STAT4: variants seen among roughly 807,000 people sequenced by gnomAD.
The protein encoded by STAT4 is signal transducer and activator of transcription 4.
Under a neutral mutation model 110.5 loss-of-function variants are expected in STAT4, and 42 were observed. That is an observed-to-expected ratio of 0.38 (90% CI 0.30 to 0.49). The LOEUF (loss-of-function observed/expected upper bound fraction) is 0.49, where lower values mean the gene tolerates loss of function less well. STAT4 is among the 20% of genes least tolerant of loss of function. The pLI is 0.95. For synonymous variants in STAT4, 284 were observed against 302.2 expected (o/e 0.94, Z 0.63); for missense variants, 632 against 887.9 (o/e 0.71, Z 3.66).
At position 191,146,923 on chromosome 2, in the gene STAT4, T is replaced by C. The variant is rs566781921; in HGVS notation, c.129-166A>G. On this transcript the variant is annotated intron_variant, in intron 2 of 23. Transcript: ENST00000392320. The surrounding 1 kb of genome is among the most constrained non-coding windows in gnomAD (Gnocchi z 4.5). ...AAGAGATGCTCAACATCACTAATCA[T>C]TAGGGAATTTCAAGTGAAAATCAGA... Among the ~76,000 whole-genome samples the C allele has an allele frequency of 2.3e-4, 35 of 152,310 alleles. 2 individuals are homozygous for C. In the South Asian group the frequency reaches 6.2e-3, roughly 27 times the overall value.
intron 3 of STAT4, among the ~76,000 whole-genome samples, chr2:191,115,611 C>T (rs567613387): frequency 3.3e-5 from 5 of 152,332 alleles, no homozygotes; most frequent in South Asian, 4.1e-4. Context: ...CAGCCATTTC[C>T]GTTGTGTCTC....
chr2:191,127,992 A>T (rs1237838733), intron 3 of STAT4, among the ~76,000 whole-genome samples: 1 of 152,228 alleles, frequency 6.6e-6, no homozygotes, highest in Non-Finnish European at 1.5e-5. Flanking sequence ...ACTTAGTGCG[A>T]TATGCACAAA....
chr2:191,085,386 C>T (rs1005590531), intron 3 of STAT4, among the ~76,000 whole-genome samples: 2 of 151,512 alleles, frequency 1.3e-5, no homozygotes, highest in Non-Finnish European at 2.9e-5. Context: ...GAAACACTCC[C>T]AAATATAAAA....
rs186534967 is a variant in STAT4 at position 191,059,366 on chromosome 2, G to T, written c.1035-597C>A. ...ATAAAAATTCCTTTAATTCCTTCTG[G>T]TGTCAGCCCATCCTTTATTCTTTTG... On this transcript the variant is annotated intron_variant, in intron 10 of 23. Transcript: ENST00000392320. The surrounding 1 kb of genome is among the most constrained non-coding windows in gnomAD (Gnocchi z 4.7). 1.8e-4 allele frequency among the ~76,000 whole-genome samples: 28 copies of T among 151,996 alleles called. No individual in the cohort carries two copies. Among genetic ancestry groups the T allele is most frequent in the Non-Finnish European group, 3.5e-4 (24 of 67,984 alleles).
chr2:191,092,178 G>A (rs903053341), intron 3 of STAT4, among the ~76,000 whole-genome samples: 17 of 152,108 alleles, frequency 1.1e-4, no homozygotes, highest in Non-Finnish European at 1.3e-4. Context: ...GGTTGAGGGG[G>A]GCAGATCACG....
At position 191,053,932 on chromosome 2, in the gene STAT4, A is replaced by T. The variant is rs1025917859; in HGVS notation, c.1251+558T>A. On this transcript the variant is annotated intron_variant, in intron 14 of 23. Coordinates refer to ENST00000392320, the MANE Select transcript of STAT4 (RefSeq NM_003151.4). This position sits in a 1 kb window ranked among gnomAD's most constrained non-coding sequence, Gnocchi z 4.5. ...CACTTGAGCCAAGGGGTTCAAGACC[A>T]GCCTGGGAAACATGGTGGGACTCTG... is the stretch of plus-strand genomic sequence containing the variant. Among the ~76,000 whole-genome samples the T allele has an allele frequency of 7.2e-5, 11 of 152,176 alleles. No individual in the cohort carries two copies. Among genetic ancestry groups the T allele is most frequent in the African/African-American group, 2.7e-4 (11 of 41,432 alleles).
chr2:191,072,618 T>G (rs1345335025), intron 5 of STAT4, among the ~76,000 whole-genome samples: 1 of 152,200 alleles, frequency 6.6e-6, no homozygotes, highest in Non-Finnish European at 1.5e-5. Context: ...CTATTTTATA[T>G]ACAACATGGC....
At position 191,062,955 on chromosome 2, in the gene STAT4, T is replaced by C. The variant is rs1266837401; in HGVS notation, c.783-35A>G. 6.3e-7 allele frequency: 1 copy of C among 1,584,016 alleles called. No individual in the cohort carries two copies. The highest frequency in any genetic ancestry group is 8.6e-7 in the Non-Finnish European group (1 of 1,164,856). ...AGAAAATGAAAATCAAAGATAGTTT[T>C]TCCACTTAATAATAAAAAAGCATTG... On this transcript the variant is annotated intron_variant, in intron 8 of 23. Coordinates refer to ENST00000392320, the MANE Select transcript of STAT4 (RefSeq NM_003151.4). This position sits in a 1 kb window ranked among gnomAD's most constrained non-coding sequence, Gnocchi z 4.9.
chr2:191,039,325 A>G lies in STAT4; in HGVS notation c.1336-28T>C, dbSNP rs1355140388. 1.3e-6 allele frequency: 2 copies of G among 1,596,788 alleles called. No individual in the cohort carries two copies. On this transcript the variant is annotated intron_variant, in intron 15 of 23. Coordinates refer to ENST00000392320, the MANE Select transcript of STAT4 (RefSeq NM_003151.4). The surrounding 1 kb of genome is among the most constrained non-coding windows in gnomAD (Gnocchi z 4.7). ...GGTTTGGGGGGAAAAAAGCATAGTT[A>G]TTACAGGTAGTCCCACCTTACATTG...
At position 191,064,909 on chromosome 2, in the gene STAT4, A is replaced by G. The variant is rs770181391; in HGVS notation, c.680T>C (p.Met227Thr). ...CAGCTCTTCTATGAGCATGGTGTTC[A>G]TTAACAGGTCTGTCTCATGGATGAT... ...TQIIHETDLL[M>T]NTMLIEELQD... Residue 227 changes from methionine to threonine, a missense_variant, in exon 8 of 24, where the codon ATG (methionine) becomes ACG (threonine). Physicochemically the swap from Met to Thr is moderately conservative, Grantham distance 81. Transcript: ENST00000392320. 1.2e-6 allele frequency: 2 copies of G among 1,612,868 alleles called. No homozygotes were observed. Among genetic ancestry groups the G allele is most frequent in the Non-Finnish European group, 8.5e-7 (1 of 1,179,436 alleles).
chr2:191,052,225 C>G (rs114088709), intron 14 of STAT4, among the ~76,000 whole-genome samples: 311 of 152,264 alleles, frequency 2.0e-3, no homozygotes, highest in African/African-American at 6.9e-3. Flanking sequence ...CCCTGATTCC[C>G]GGTTTATCTT....
In STAT4 at chr2:191,142,896, G is replaced by A. The variant is rs1306689883; in HGVS notation, c.273+3717C>T. Among the ~76,000 whole-genome samples, 3 of 152,082 alleles carry A rather than the reference G, an allele frequency of 2.0e-5. No homozygotes were observed. Among genetic ancestry groups the A allele is most frequent in the Non-Finnish European group, 4.4e-5 (3 of 68,020 alleles). On this transcript the variant is annotated intron_variant, in intron 3 of 23. Coordinates refer to ENST00000392320, the MANE Select transcript of STAT4 (RefSeq NM_003151.4). This position sits in a 1 kb window ranked among gnomAD's most constrained non-coding sequence, Gnocchi z 4.1. ...AACTCTCTAGTATGATATTGTAATGGTAGATATATGACATTATGCATTGTC... is the reference window on the plus strand; with the variant it reads ...AACTCTCTAGTATGATATTGTAATGATAGATATATGACATTATGCATTGTC...
intron 14 of STAT4, among the ~76,000 whole-genome samples, chr2:191,054,205 A>AT (rs1005757374): frequency 6.8e-5 from 9 of 132,984 alleles, no homozygotes; most frequent in Middle Eastern, 4.2e-3. Flanking sequence ...TGAGTATCAT[A>AT]TATTTTTAAA....
chr2:191,074,977 G>A (rs1260341246), intron 4 of STAT4, among the ~76,000 whole-genome samples: 1 of 152,076 alleles, frequency 6.6e-6, no homozygotes, highest in Non-Finnish European at 1.5e-5. Context: ...CCTGGGCAAT[G>A]TAGTGAAATC....
chr2:191,076,196 A>T (rs746746998), intron 4 of STAT4, 31 bp downstream of exon 4: 1 of 1,573,278 alleles, frequency 6.4e-7, no homozygotes, highest in South Asian at 1.1e-5. Flanking sequence ...GTTCAAGGTG[A>T]TAACAAGATC....
In STAT4 at chr2:191,030,006, G is replaced by C; in HGVS notation, c.2221-140C>G. On this transcript the variant is annotated intron_variant, in intron 23 of 23. Transcript: ENST00000392320. The surrounding 1 kb of genome is among the most constrained non-coding windows in gnomAD (Gnocchi z 4.4). ...TACCTAGTTAAAATACTTAAACTAA[G>C]TATTTGCAAAAGTAATTGGGGTTGA... The C allele has an allele frequency of 1.5e-6, 1 of 688,870 alleles. No individual in the cohort carries two copies. The highest frequency in any genetic ancestry group is 2.5e-6 in the Non-Finnish European group (1 of 407,596). 42.7% of individuals were successfully genotyped at this position (688,870 alleles called of 1,614,324 possible). A position where few individuals can be genotyped will look rare whatever the true frequency, so the allele number is the denominator to read the frequency against.
rs1243929389 is a variant in STAT4 at position 191,146,028 on chromosome 2, A to T, written c.273+585T>A. On this transcript the variant is annotated intron_variant, in intron 3 of 23. Coordinates refer to ENST00000392320, the MANE Select transcript of STAT4 (RefSeq NM_003151.4). This position sits in a 1 kb window ranked among gnomAD's most constrained non-coding sequence, Gnocchi z 4.5. Reference sequence around the variant, plus strand: ...GAACACTAAAGTCCTTGCCTCAAGGAACTCATGATAGGGAGAGAAGTCAAA... The same window carrying T: ...GAACACTAAAGTCCTTGCCTCAAGGTACTCATGATAGGGAGAGAAGTCAAA... Among the ~76,000 whole-genome samples the T allele has an allele frequency of 2.6e-5, 4 of 152,222 alleles. No homozygotes were observed. Among genetic ancestry groups the T allele is most frequent in the African/African-American group, 9.6e-5 (4 of 41,460 alleles).
chr2:191,119,435 C>T (rs1305236880), intron 3 of STAT4, among the ~76,000 whole-genome samples: 1 of 152,114 alleles, frequency 6.6e-6, no homozygotes, highest in Non-Finnish European at 1.5e-5. Flanking sequence ...AAGGAATGCC[C>T]ATTTCCAGAG....
intron 3 of STAT4, among the ~76,000 whole-genome samples, chr2:191,105,854 T>C (rs1057425685): frequency 6.6e-6 from 1 of 152,176 alleles, no homozygotes; most frequent in African/African-American, 2.4e-5. Context: ...TTTCTAAGTA[T>C]AGTATTTAAT....
Sources: allele counts gnomAD v4.1 joint callset (sites outside exome capture counted in the v4.1 genomes callset), GRCh38; gene constraint gnomAD v4.1.1; non-coding constraint Gnocchi (gnomAD v3.1); transcripts MANE v1.5; gene names NCBI Gene and HGNC (gene_info 2026-07-23, HGNC 2026-07-21).